CCM2: variants seen among roughly 807,000 people sequenced by gnomAD.
CCM2 encodes CCM2 scaffold protein.
A neutral mutation model predicts 44.9 loss-of-function variants in CCM2; 25 were observed. That is an observed-to-expected ratio of 0.56 (90% confidence interval 0.41 to 0.78). The LOEUF (loss-of-function observed/expected upper bound fraction) is 0.78. CCM2 is among the 30% of genes least tolerant of loss of function. The pLI, the probability that CCM2 is intolerant of heterozygous loss-of-function variation, is 0.00. For missense variants in CCM2, 481 were observed against 580.6 expected (o/e 0.83, Z 1.76); for synonymous variants, 219 against 241.1 (o/e 0.91, Z 0.85).
Position 45,075,886 on chromosome 7 carries a change from C to T in CCM2, c.1164C>T (p.His388=), listed in dbSNP as rs1019140961. The T allele has an allele frequency of 1.9e-6, 3 of 1,613,236 alleles. No individual in the cohort carries two copies. The highest frequency in any genetic ancestry group is 1.7e-5 in the Admixed American group (1 of 60,000). The change falls in exon 10 of 10, where the codon CAC becomes CAT. Residue 388 remains histidine (H), a synonymous_variant. Coordinates refer to ENST00000258781, the MANE Select transcript of CCM2 (RefSeq NM_031443.4). Reference sequence around the variant, plus strand: ...TCATCACTGACAGCTTTGGCAGGCACCGGCGGGCCCTGAGCACCACATCCA... The same window carrying T: ...TCATCACTGACAGCTTTGGCAGGCATCGGCGGGCCCTGAGCACCACATCCA... The part of the protein sequence containing the change: ...RGIITDSFGR[H]RRALSTTSSS...
intron 1 of CCM2, among the ~76,000 whole-genome samples, chr7:45,035,796 T>C (rs939395232): frequency 6.6e-6 from 1 of 151,984 alleles, no homozygotes; most frequent in Admixed American, 6.6e-5. Context: ...TAGTGATGAG[T>C]AGGAGACAGT....
chr7:45,046,589 C>A (rs1332747569), intron 2 of CCM2, among the ~76,000 whole-genome samples: 3 of 152,158 alleles, frequency 2.0e-5, no homozygotes, highest in South Asian at 4.1e-4. Context: ...AACTTAAACA[C>A]AAAAATTAAC....
At chr7:45,068,933 C>T (rs1315980887) in intron 5 of CCM2, among the ~76,000 whole-genome samples, 2 of 152,188 alleles carry the variant, frequency 1.3e-5, no homozygotes, top group African/African-American at 4.8e-5. Flanking sequence ...GGCCACTGAG[C>T]TTTTTGCTTA....
chr7:45,053,662 G>A (rs980636748), intron 2 of CCM2, among the ~76,000 whole-genome samples: 1 of 152,250 alleles, frequency 6.6e-6, no homozygotes, highest in Admixed American at 6.5e-5. Flanking sequence ...TTGCTCCTGG[G>A]GAGCCCAGTT....
At chr7:45,059,467 G>A (rs1798424899) in intron 2 of CCM2, among the ~76,000 whole-genome samples, 1 of 151,168 alleles carries the variant, frequency 6.6e-6, no homozygotes, top group African/African-American at 2.4e-5. Flanking sequence ...AATACAGGCT[G>A]GGTGCGGTGG....
chr7:45,047,521 T>C (rs1418520342), intron 2 of CCM2, among the ~76,000 whole-genome samples: 1 of 152,162 alleles, frequency 6.6e-6, no homozygotes, highest in Non-Finnish European at 1.5e-5. Context: ...TGGATGACAG[T>C]GAGACCCTGT....
intron 2 of CCM2, 128 bp downstream of exon 2, chr7:45,038,554 A>G (rs1797337445): frequency 1.1e-6 from 1 of 948,284 alleles, no homozygotes; most frequent in Non-Finnish European, 1.7e-6. Flanking sequence ...TATCCCACCC[A>G]TTGTCTTGTC....
At chr7:45,027,668 G>T (rs2289365) in intron 1 of CCM2, 4 of 1,613,674 alleles carry the variant, frequency 2.5e-6, no homozygotes, top group Non-Finnish European at 3.4e-6. Flanking sequence ...GCTAACATCT[G>T]GCCATATTTT....
At chr7:45,066,600 G>A (rs1798785895) in intron 4 of CCM2, among the ~76,000 whole-genome samples, 1 of 152,224 alleles carries the variant, frequency 6.6e-6, no homozygotes. Context: ...GCACAGGAGT[G>A]GGGAAGTTGG....
chr7:45,054,592 G>A (rs1193650562), intron 2 of CCM2, among the ~76,000 whole-genome samples: 1 of 152,166 alleles, frequency 6.6e-6, no homozygotes, highest in Admixed American at 6.5e-5. Context: ...TGAGGAGGTG[G>A]TGAGCCTGCC....
intron 1 of CCM2, among the ~76,000 whole-genome samples, chr7:45,005,285 A>C (rs1481786054): frequency 6.6e-6 from 1 of 152,224 alleles, no homozygotes; most frequent in African/African-American, 2.4e-5. Flanking sequence ...GTTACCATTT[A>C]CATAGTATGT....
intron 1 of CCM2, among the ~76,000 whole-genome samples, chr7:45,012,690 G>GA (rs1197346371): frequency 6.6e-6 from 1 of 151,962 alleles, no homozygotes; most frequent in Admixed American, 6.6e-5. Context: ...AGGTAGCTGG[G>GA]AGTACAGGTG....
chr7:45,072,960 G>T, intron 7 of CCM2, 177 bp downstream of exon 7: 1 of 687,278 alleles, frequency 1.5e-6, no homozygotes, highest in Non-Finnish European at 2.6e-6. Context: ...CCCTCTCCTC[G>T]TAGACTTCTA....
At chr7:45,025,476 T>C (rs186877118) in intron 1 of CCM2, among the ~76,000 whole-genome samples, 68 of 152,320 alleles carry the variant, frequency 4.5e-4, no homozygotes, top group African/African-American at 1.5e-3. Context: ...ATTTTTTATT[T>C]TGGCAGTCAT....
rs1407922227 is a variant in CCM2, at chr7:45,009,845, TTAAC to T, written c.30+9485_30+9488del. Among the ~76,000 whole-genome samples the T allele has an allele frequency of 2.0e-5, 3 of 152,350 alleles. No individual in the cohort carries two copies. The East Asian group carries it at 5.8e-4, about 29-fold the overall frequency. On this transcript the variant is annotated intron_variant, in intron 1 of 9. Coordinates refer to ENST00000258781, the MANE Select transcript of CCM2 (RefSeq NM_031443.4). ...TCTAAATACATTAGCATGCATGTCA[TTAAC>T]TAGGGTTCAATATTTGCTTACAGTT...
chr7:45,072,613 C>T, intron 6 of CCM2, 113 bp from the exon 7 acceptor site: 1 of 812,990 alleles, frequency 1.2e-6, no homozygotes. Context: ...CAGCAGGGTC[C>T]CTGAAGACCA....
At chr7:45,000,467 A>AGGGG (rs1795558032) in intron 1 of CCM2, 104 bp downstream of exon 1, 21 of 25,696 alleles carry the variant, frequency 8.2e-4, no homozygotes, top group African/African-American at 6.0e-3. Flanking sequence ...GGGGGGGGGC[A>AGGGG]GTGGGCCAGC....
At chr7:45,024,371 T>G (rs1796605510) in intron 1 of CCM2, among the ~76,000 whole-genome samples, 1 of 152,264 alleles carries the variant, frequency 6.6e-6, no homozygotes, top group South Asian at 2.1e-4. Flanking sequence ...AACATGTTTT[T>G]ATCGTCAAGA....
At chr7:45,070,076 G>A (rs921859485) in intron 6 of CCM2, 115 bp downstream of exon 6, 2 of 1,361,576 alleles carry the variant, frequency 1.5e-6, no homozygotes, top group Non-Finnish European at 2.0e-6. Context: ...CCGTGACATG[G>A]TGGCCTTTTG....
Sources: allele counts gnomAD v4.1 joint callset (sites outside exome capture counted in the v4.1 genomes callset), GRCh38; gene constraint gnomAD v4.1.1; transcripts MANE v1.5; gene names NCBI Gene and HGNC (gene_info 2026-07-23, HGNC 2026-07-21).